The following OR3A2 variants were observed in gnomAD, a reference collection of about 807,000 sequenced individuals.
The protein encoded by OR3A2 is olfactory receptor family 3 subfamily A member 2.
For missense variants in OR3A2, 318 were observed against 392.8 expected, an observed-to-expected ratio of 0.81 and a Z score of 1.61; for synonymous variants, 126 against 159.3, an observed-to-expected ratio of 0.79 and a Z score of 1.57.
intron 2 of OR3A2, among the ~76,000 whole-genome samples, chr17:3,346,653 T>G (rs186508942): frequency 2.1e-4 from 32 of 152,278 alleles, no homozygotes; most frequent in Non-Finnish European, 4.0e-4. Context: ...ATGGTTTTTT[T>G]TTTTGTACCC....
chr17:3,368,324 A>G (rs1486644133), intron 2 of OR3A2, among the ~76,000 whole-genome samples: 2 of 152,158 alleles, frequency 1.3e-5, no homozygotes, highest in Non-Finnish European at 2.9e-5. Context: ...CAATGTCTAG[A>G]AGAGTTTTTC....
At chr17:3,350,154 C>G (rs2049406619) in intron 2 of OR3A2, among the ~76,000 whole-genome samples, 2 of 151,692 alleles carry the variant, frequency 1.3e-5, no homozygotes, top group Non-Finnish European at 2.9e-5. Context: ...CTTTCAAAAG[C>G]TAGCAGAAGG....
intron 2 of OR3A2, among the ~76,000 whole-genome samples, chr17:3,364,194 CAT>C (rs2049543516): frequency 1.3e-5 from 2 of 152,238 alleles, no homozygotes; most frequent in East Asian, 1.9e-4. Context: ...GATAGCCTAA[CAT>C]GTATATTTTA....
intron 1 of OR3A2, among the ~76,000 whole-genome samples, chr17:3,280,231 G>A (rs1315914942): frequency 6.6e-6 from 1 of 151,820 alleles, no homozygotes; most frequent in Non-Finnish European, 1.5e-5. Flanking sequence ...CTGAAATGAC[G>A]AAGGCATGTA....
intron 2 of OR3A2, among the ~76,000 whole-genome samples, chr17:3,338,746 C>T (rs2049292049): frequency 6.6e-6 from 1 of 152,130 alleles, no homozygotes; most frequent in Admixed American, 6.5e-5. Context: ...ATTCTCTTGG[C>T]AATGCAGGCT....
exon 2 of OR3A2, chr17:3,278,684 A>C (rs956795353): frequency 1.5e-6 from 2 of 1,370,110 alleles, no homozygotes; most frequent in African/African-American, 3.0e-5. Context: ...GAACAGTGAC[A>C]GTGATACATC....
intron 2 of OR3A2, among the ~76,000 whole-genome samples, chr17:3,369,266 G>C (rs2049590163): frequency 6.6e-6 from 1 of 152,050 alleles, no homozygotes; most frequent in African/African-American, 2.4e-5. Flanking sequence ...AGGACTTTCA[G>C]TACTATGTTG....
At chr17:3,372,393 A>G (rs1449222115) in intron 2 of OR3A2, among the ~76,000 whole-genome samples, 1 of 151,618 alleles carries the variant, frequency 6.6e-6, no homozygotes, top group Non-Finnish European at 1.5e-5. Flanking sequence ...GCGGCCAGAC[A>G]GAGACGCTCC....
At chr17:3,278,623 C>A (rs1272164570) in exon 2 of OR3A2, 1 of 1,574,872 alleles carries the variant, frequency 6.3e-7, no homozygotes, top group Non-Finnish European at 8.7e-7. Context: ...GAGAGGCAGG[C>A]GTCATAGGAA....
chr17:3,335,233 C>A (rs1597346920), intron 3 of OR3A2, among the ~76,000 whole-genome samples: 1 of 152,212 alleles, frequency 6.6e-6, no homozygotes, highest in East Asian at 1.9e-4. Context: ...ATATTTTCTG[C>A]AAATATTTCT....
intron 2 of OR3A2, among the ~76,000 whole-genome samples, chr17:3,349,857 T>C (rs1295609168): frequency 1.3e-5 from 2 of 152,002 alleles, no homozygotes; most frequent in South Asian, 2.1e-4. Context: ...GCAATCAAAC[T>C]AGAACTCATG....
At chr17:3,370,724 TAAAC>T (rs1229452254) in intron 2 of OR3A2, among the ~76,000 whole-genome samples, 3 of 151,686 alleles carry the variant, frequency 2.0e-5, no homozygotes, top group Non-Finnish European at 4.4e-5. Context: ...GGTCAGCAGA[TAAAC>T]AAGTGAACAA....
chr17:3,286,200 A>C (rs1448023430), upstream of OR3A2, among the ~76,000 whole-genome samples: 1 of 152,140 alleles, frequency 6.6e-6, no homozygotes, highest in Non-Finnish European at 1.5e-5. Context: ...TTTGCTGAGA[A>C]TGATGGTTTC....
chr17:3,380,535 C>T (rs1000867105), intron 2 of OR3A2, among the ~76,000 whole-genome samples: 1 of 152,170 alleles, frequency 6.6e-6, no homozygotes, highest in African/African-American at 2.4e-5. Context: ...CCGAATGCCT[C>T]CCCCACCAGT....
intron 3 of OR3A2, among the ~76,000 whole-genome samples, chr17:3,323,628 G>A (rs981510806): frequency 2.0e-5 from 3 of 151,962 alleles, no homozygotes; most frequent in African/African-American, 4.8e-5. Flanking sequence ...GCTTAGTTTG[G>A]CTGGATATGA....
At chr17:3,333,780 T>A (rs989272354) in intron 3 of OR3A2, among the ~76,000 whole-genome samples, 9 of 152,144 alleles carry the variant, frequency 5.9e-5, no homozygotes. Flanking sequence ...AAAGAGCTTC[T>A]GCACAGCAAG....
Position 3,386,117 on chromosome 17 carries a change from T to C in OR3A2, c.-275+8A>G. ...CTCCGCTCCCCCATGTATTACTTCT[T>C]GGGTCACCTGAGCCTCGTGGACGTC... On this transcript the variant is annotated splice_region_variant and intron_variant, in intron 1 of 4. Coordinates refer to the OR3A2 transcript ENST00000573491. 1 of 398,860 alleles carries C rather than the reference T, an allele frequency of 2.5e-6. No homozygotes were observed. Among genetic ancestry groups the C allele is most frequent in the Non-Finnish European group, 4.4e-6 (1 of 226,290 alleles). The allele number at this position is 398,860 out of a possible 1,614,324, so 24.7% of individuals were successfully genotyped here.
chr17:3,299,200 G>A (rs1567546875), intron 3 of OR3A2, among the ~76,000 whole-genome samples: 1 of 152,192 alleles, frequency 6.6e-6, no homozygotes, highest in Non-Finnish European at 1.5e-5. Flanking sequence ...CAGACAGAGC[G>A]TTGTTCTCCC....
chr17:3,355,452 CTCTCTCTCTT>C (rs1391570768), intron 2 of OR3A2, among the ~76,000 whole-genome samples: 42 of 123,024 alleles, frequency 3.4e-4, no homozygotes, highest in African/African-American at 1.1e-3. Flanking sequence ...CTCTCTCTCT[CTCTCTCTCTT>C]TAGCTCTAAT....
Sources: allele counts gnomAD v4.1 joint callset (sites outside exome capture counted in the v4.1 genomes callset), GRCh38; gene constraint gnomAD v4.1.1; transcripts MANE v1.5; gene names NCBI Gene and HGNC (gene_info 2026-07-23, HGNC 2026-07-21).